The following RYR3 variants were observed in gnomAD, a reference collection of about 807,000 sequenced individuals.
RYR3 encodes brain ryanodine receptor-calcium release channel.
RYR3 carries 207 observed loss-of-function variants against 584.3 expected under a neutral mutation model. The observed-to-expected ratio is 0.35, with a 90% confidence interval of 0.32 to 0.40. The LOEUF (loss-of-function observed/expected upper bound fraction) is 0.40, where lower values mean the gene tolerates loss of function less well. Among genes scored for constraint, RYR3 ranks in the 10% least tolerant of loss-of-function variants. RYR3 has a pLI of 1.00. For synonymous variants in RYR3, 2,416 were observed against 2,248.5 expected (o/e 1.07, Z -2.11); for missense variants, 5,616 against 6,089.2 (o/e 0.92, Z 2.59).
At position 33,434,179 on chromosome 15, in the gene RYR3, T is replaced by C. The variant is rs140233963; in HGVS notation, c.52-39240T>C. Among the ~76,000 whole-genome samples, 1,224 of 152,332 alleles carry C rather than the reference T, an allele frequency of 8.0e-3. 14 individuals carry two copies. The highest frequency in any genetic ancestry group is 0.024 in the Middle Eastern group (7 of 294). ...CAAGGTCTCTTTCCTAAGTTGTGCC[T>C]GAGAGAGAGCCCATCAAACCAGTAA... On this transcript the variant is annotated intron_variant, in intron 1 of 103. Coordinates refer to ENST00000634891, the MANE Select transcript of RYR3 (RefSeq NM_001036.6).
intron 4 of RYR3, among the ~76,000 whole-genome samples, chr15:33,531,889 G>A (rs2054906961): frequency 6.6e-6 from 1 of 152,084 alleles, no homozygotes; most frequent in Non-Finnish European, 1.5e-5. Context: ...TCCAACACTT[G>A]TCTTTACCTA....
chr15:33,316,041 A>G (rs1160672970), intron 1 of RYR3, among the ~76,000 whole-genome samples: 1 of 152,212 alleles, frequency 6.6e-6, no homozygotes, highest in Non-Finnish European at 1.5e-5. Context: ...GTTAAATAAC[A>G]TATTTCACAA....
chr15:33,341,285 C>T lies in RYR3; in HGVS notation c.51+30189C>T, dbSNP rs1030090620. On this transcript the variant is annotated intron_variant, in intron 1 of 103. Transcript: ENST00000634891. ...AACCTCTGACCTCAAGTGACCCACC[C>T]GCGTCAGCCTCCCAAAGTGCTGGGA... is the stretch of plus-strand genomic sequence containing the variant. Among the ~76,000 whole-genome samples, 71 of 152,038 alleles carry T rather than the reference C, an allele frequency of 4.7e-4. 1 individual carries two copies. Among genetic ancestry groups the T allele is most frequent in the Admixed American group, 1.1e-3 (17 of 15,264 alleles).
intron 3 of RYR3, among the ~76,000 whole-genome samples, chr15:33,517,949 C>A (rs1482487515): frequency 1.3e-5 from 2 of 152,088 alleles, no homozygotes; most frequent in African/African-American, 4.8e-5. Context: ...TATGGAACAC[C>A]TACTGTATGT....
intron 97 of RYR3, 125 bp downstream of exon 97, chr15:33,854,574 G>A (rs1243299959): frequency 2.7e-5 from 28 of 1,050,452 alleles, no homozygotes; most frequent in East Asian, 7.5e-5. Context: ...AGCCTTATAC[G>A]TGCTGGGGGA....
intron 49 of RYR3, among the ~76,000 whole-genome samples, chr15:33,737,709 T>C (rs549927236): frequency 1.3e-5 from 2 of 152,290 alleles, no homozygotes; most frequent in African/African-American, 4.8e-5. Flanking sequence ...AGTATTACCA[T>C]CTTAATTTGG....
At chr15:33,375,836 G>A (rs181399608) in intron 1 of RYR3, among the ~76,000 whole-genome samples, 3 of 152,244 alleles carry the variant, frequency 2.0e-5, no homozygotes, top group Admixed American at 1.3e-4. Context: ...AGGCCGAGGC[G>A]GGCGGATCAT....
rs1567342895 is a variant in RYR3 at position 33,857,740 on chromosome 15, G to C, written c.14008-40G>C. On this transcript the variant is annotated intron_variant, in intron 98 of 103. Coordinates refer to ENST00000634891, the MANE Select transcript of RYR3 (RefSeq NM_001036.6). ...CCTGTGAACCTTTCAAGGTAGAGAA[G>C]ACCCCACTCCTTTTCCTTTCTCTGT... 3 of 1,611,678 alleles carry C rather than the reference G, an allele frequency of 1.9e-6. No homozygotes were observed. In the African/African-American group the frequency reaches 4.0e-5, roughly 22 times the overall value.
chr15:33,838,854 T>C lies in RYR3; in HGVS notation c.12874T>C (p.Leu4292=), dbSNP rs2078195511. 6.2e-6 allele frequency: 10 copies of C among 1,613,848 alleles called. No individual in the cohort carries two copies. The highest frequency in any genetic ancestry group is 8.5e-6 in the Non-Finnish European group (10 of 1,179,870). Residue 4292 remains leucine (L), a synonymous_variant, in exon 89 of 104, where the codon TTA becomes CTA. Transcript: ENST00000634891. Reference sequence around the variant, plus strand: ...ACTCCACCCAAAGAAAGAGGGCAGCTTAAAGCATGGGCCTGAAGTGGGTTT... The same window carrying C: ...ACTCCACCCAAAGAAAGAGGGCAGCCTAAAGCATGGGCCTGAAGTGGGTTT... ...FGLHPKKEGS[L]KHGPEVGLGD...
intron 51 of RYR3, 90 bp downstream of exon 51, chr15:33,740,085 C>A: frequency 9.1e-7 from 1 of 1,096,998 alleles, no homozygotes; most frequent in Non-Finnish European, 1.3e-6. Flanking sequence ...GTGAGCTTTA[C>A]CTCTTTCCCT....
chr15:33,578,055 A>G (rs1407170464), intron 12 of RYR3, among the ~76,000 whole-genome samples: 1 of 152,222 alleles, frequency 6.6e-6, no homozygotes, highest in African/African-American at 2.4e-5. Context: ...CAAAACCACA[A>G]TGACATACCA....
chr15:33,810,452 T>C (rs2076462003), intron 70 of RYR3, 27 bp from the exon 71 acceptor site: 4 of 1,612,638 alleles, frequency 2.5e-6, no homozygotes, highest in Non-Finnish European at 3.4e-6. Context: ...TGAACCCCTC[T>C]CTGTTTATTT....
chr15:33,562,874 A>T lies in RYR3; in HGVS notation c.1010A>T (p.Asp337Val), dbSNP rs776814337. 6.2e-6 allele frequency: 10 copies of T among 1,613,270 alleles called. No homozygotes were observed. The highest frequency in any genetic ancestry group is 1.3e-5 in the African/African-American group (1 of 74,870). ...KEKLDSSHKR[D>V]IEGMGVPEIK... ...AAATTAGACTCCAGTCACAAGCGAG[A>T]CATAGAAGGCATGGGAGTTCCAGAA... is the stretch of plus-strand genomic sequence containing the variant. The change falls in exon 11 of 104, where the codon GAC (aspartate) becomes GTC (valine). Residue 337 changes from aspartate (D) to valine (V), a missense_variant. By Grantham distance (152) the Asp-to-Val change is radical. Around this residue, in one of 9 missense-constraint regions of RYR3, gnomAD observed 1,284 missense variants for 1,344.6 expected, o/e 0.95. Transcript: ENST00000634891.
intron 2 of RYR3, among the ~76,000 whole-genome samples, chr15:33,478,109 G>GA (rs58733007): frequency 0.056 from 6,599 of 117,022 alleles, 182 homozygotes; most frequent in African/African-American, 0.22. Context: ...TGAGGGGGTT[G>GA]GGGGGGGTGG....
intron 60 of RYR3, among the ~76,000 whole-genome samples, chr15:33,763,351 A>C (rs1043502106): frequency 4.0e-5 from 6 of 151,694 alleles, no homozygotes; most frequent in African/African-American, 1.5e-4. Flanking sequence ...ATGGGAGAAA[A>C]TTTTTGCAAT....
chr15:33,371,335 T>C (rs1293200172), intron 1 of RYR3, among the ~76,000 whole-genome samples: 1 of 152,154 alleles, frequency 6.6e-6, no homozygotes, highest in Non-Finnish European at 1.5e-5. Context: ...GTCAAACCAA[T>C]GCGGTTGCCA....
At chr15:33,778,158 A>C (rs539551283) in intron 64 of RYR3, among the ~76,000 whole-genome samples, 1 of 119,970 alleles carries the variant, frequency 8.3e-6, no homozygotes, top group South Asian at 3.0e-4. Context: ...CGACAGAGCA[A>C]GACTCTGTCT....
rs752194470 is a variant in RYR3 at position 33,722,782 on chromosome 15, C to G, written c.6687C>G (p.Gly2229=). ...KLLIRRPECF[G]PALRGEGGNG... is the part of the protein sequence containing the mutation. ...TCATCAGACGCCCAGAGTGCTTCGGCCCGGCCCTGCGGGGTGAGGGGGGAA... is the reference window on the plus strand; with the variant it reads ...TCATCAGACGCCCAGAGTGCTTCGGGCCGGCCCTGCGGGGTGAGGGGGGAA... The change falls in exon 44 of 104, where the codon GGC becomes GGG. Residue 2229 remains glycine, a synonymous_variant. Coordinates refer to ENST00000634891, the MANE Select transcript of RYR3 (RefSeq NM_001036.6). The G allele has an allele frequency of 2.5e-6, 4 of 1,613,242 alleles. No individual in the cohort carries two copies. In the African/African-American group the frequency reaches 5.3e-5, roughly 22 times the overall value.
intron 1 of RYR3, among the ~76,000 whole-genome samples, chr15:33,395,595 C>G (rs923418255): frequency 6.6e-6 from 1 of 152,188 alleles, no homozygotes; most frequent in Non-Finnish European, 1.5e-5. Context: ...ACAGCCTTCC[C>G]GTGACACAGG....
Sources: allele counts gnomAD v4.1 joint callset (sites outside exome capture counted in the v4.1 genomes callset), GRCh38; gene constraint gnomAD v4.1.1; regional missense constraint gnomAD v4.1.1; transcripts MANE v1.5; gene names NCBI Gene and HGNC (gene_info 2026-07-23, HGNC 2026-07-21).